The following ARMC10 variants were observed in gnomAD, a reference collection of about 807,000 sequenced individuals.
ARMC10 encodes armadillo repeat containing 10, also known as armadillo repeat-containing protein 10.
In ARMC10, 23 loss-of-function variants were observed where a neutral mutation model predicts 30.2. That is an observed-to-expected ratio of 0.76 (90% CI 0.55 to 1.08). The LOEUF is 1.08. ARMC10 is among the 50% of genes least tolerant of loss of function. The pLI is 0.00. For missense variants in ARMC10, 303 were observed against 413.7 expected (o/e 0.73, Z 2.32); for synonymous variants, 111 against 164.4 (o/e 0.68, Z 2.48).
rs1343294986 is a variant in ARMC10 at position 103,098,689 on chromosome 7, C to T, written c.*136C>T. The T allele has an allele frequency of 2.5e-5, 35 of 1,403,484 alleles. No homozygotes were observed. Among genetic ancestry groups the T allele is most frequent in the Admixed American group, 7.8e-5 (3 of 38,504 alleles). 86.9% of individuals were successfully genotyped at this position (1,403,484 alleles called of 1,614,324 possible). A position where few individuals can be genotyped will look rare whatever the true frequency, so the allele number is the denominator to read the frequency against. ...TGTCATTAACACAGCTATAACTTGC[C>T]GTGGTTCTCAGATTTATTTTGGACT... On this transcript the variant is annotated 3_prime_UTR_variant, in exon 7 of 7. Transcript: ENST00000323716.
At chr7:103,089,062 A>G (rs2129523249) in intron 4 of ARMC10, 1 of 157,474 alleles carries the variant, frequency 6.4e-6, no homozygotes, top group African/African-American at 2.4e-5. Flanking sequence ...GTAATTAAAC[A>G]CTTTGTGGGC....
At chr7:103,079,576 C>T (rs1004819110) in intron 2 of ARMC10, among the ~76,000 whole-genome samples, 83 of 152,138 alleles carry the variant, frequency 5.5e-4, no homozygotes, top group Non-Finnish European at 1.2e-4. Flanking sequence ...AAACAACATG[C>T]ATAAATATTG....
rs558287763 is a variant in ARMC10, at chr7:103,094,109, G to A, written c.705+1456G>A. ...TAGTGGGAAAGTGTGTCTGATTTAG[G>A]TATTTTCTTAGTAAATAACCACTAA... On this transcript the variant is annotated intron_variant, in intron 5 of 6. Coordinates refer to ENST00000323716, the MANE Select transcript of ARMC10 (RefSeq NM_031905.5). Among the ~76,000 whole-genome samples, 7 of 152,226 alleles carry A rather than the reference G, an allele frequency of 4.6e-5. No homozygotes were observed. In the East Asian group the frequency reaches 7.7e-4, roughly 17 times the overall value.
chr7:103,079,331 GAAAA>G (rs1004429026), intron 2 of ARMC10, among the ~76,000 whole-genome samples: 3 of 148,700 alleles, frequency 2.0e-5, no homozygotes, highest in African/African-American at 7.4e-5. Flanking sequence ...GAAGCTCGGG[GAAAA>G]AAAAAGAAAA....
chr7:103,096,594 G>A (rs1211176217), intron 5 of ARMC10: 1 of 152,214 alleles, frequency 6.6e-6, no homozygotes, highest in Admixed American at 6.6e-5. Flanking sequence ...GGTGAAGATG[G>A]GGTCTAAGGG....
intron 4 of ARMC10, chr7:103,089,333 C>A: frequency 5.7e-6 from 1 of 176,610 alleles, no homozygotes; most frequent in South Asian, 1.2e-4. Flanking sequence ...AGAGATTGTG[C>A]CGGTAGTGAA....
chr7:103,088,334 G>A (rs1226167640), intron 4 of ARMC10, among the ~76,000 whole-genome samples: 1 of 152,116 alleles, frequency 6.6e-6, no homozygotes, highest in Non-Finnish European at 1.5e-5. Context: ...CTTGGAAATT[G>A]AGAACGCTTA....
rs138252372 is a variant in ARMC10, at chr7:103,075,669, C to T, written c.140-108C>T. 6.9e-4 allele frequency: 635 copies of T among 920,226 alleles called. 4 individuals carry two copies. The African/African-American group carries it at 8.8e-3, about 13-fold the overall frequency. The allele number at this position is 920,226 out of a possible 1,614,324, so 57.0% of individuals were successfully genotyped here. ...AGATTTCTTAAAAACCTGTTGATGG[C>T]CTCTCATTTTAAAGCTTGCTCCGGG... On this transcript the variant is annotated intron_variant, in intron 1 of 6. Transcript: ENST00000323716.
At chr7:103,081,710 T>TATAAC (rs11473865) in intron 2 of ARMC10, among the ~76,000 whole-genome samples, 133,106 of 151,936 alleles carry the variant, frequency 0.88, 61,001 homozygotes, top group East Asian at 1. Flanking sequence ...TGAGATAACA[T>TATAAC]AGAGTGGTAT....
chr7:103,096,629 G>C (rs1801781822), intron 5 of ARMC10: 1 of 152,672 alleles, frequency 6.5e-6, no homozygotes, highest in South Asian at 1.9e-4. Flanking sequence ...CCAGGCTGGA[G>C]TGCAGTGGCT....
chr7:103,089,573 ACT>A (rs1251055723), intron 4 of ARMC10: 1 of 165,714 alleles, frequency 6.0e-6, no homozygotes, highest in Non-Finnish European at 1.3e-5. Context: ...AAATTCAAAC[ACT>A]CTAACAGCTC....
intron 4 of ARMC10, 77 bp downstream of exon 4, chr7:103,086,841 T>C (rs764791602): frequency 1.3e-6 from 2 of 1,560,572 alleles, no homozygotes; most frequent in African/African-American, 1.4e-5. Context: ...AATGAAACTT[T>C]AGTAGACTAT....
intron 3 of ARMC10, 178 bp downstream of exon 3, chr7:103,084,008 A>G: frequency 2.0e-6 from 3 of 1,506,246 alleles, no homozygotes; most frequent in Non-Finnish European, 1.8e-6. Flanking sequence ...TAATAGTGAT[A>G]TGATTATTAA....
chr7:103,092,290 G>A (rs978568175), intron 4 of ARMC10, among the ~76,000 whole-genome samples, 187 bp from the exon 5 acceptor site: 7 of 127,616 alleles, frequency 5.5e-5, no homozygotes, highest in East Asian at 2.4e-4. Context: ...CTGAGATTGC[G>A]CCACTGAACT....
chr7:103,090,310 GT>G (rs1467851927), intron 4 of ARMC10, among the ~76,000 whole-genome samples: 3 of 152,212 alleles, frequency 2.0e-5, no homozygotes, highest in Non-Finnish European at 4.4e-5. Flanking sequence ...TAAATGCCAT[GT>G]TTTTAAAGGA....
chr7:103,079,427 C>T (rs994813412), intron 2 of ARMC10, among the ~76,000 whole-genome samples: 2 of 152,182 alleles, frequency 1.3e-5, no homozygotes, highest in African/African-American at 4.8e-5. Flanking sequence ...TCAAGTACAT[C>T]CATCAAAACC....
At chr7:103,092,843 T>G (rs1801465945) in intron 5 of ARMC10, among the ~76,000 whole-genome samples, 190 bp downstream of exon 5, 1 of 152,220 alleles carries the variant, frequency 6.6e-6, no homozygotes, top group Non-Finnish European at 1.5e-5. Context: ...GTTTCACTTA[T>G]CAACAGATTC....
chr7:103,089,848 G>T (rs1801159582), intron 4 of ARMC10, among the ~76,000 whole-genome samples: 1 of 152,192 alleles, frequency 6.6e-6, no homozygotes. Flanking sequence ...CAAACCTCCT[G>T]CTTTGTGGTG....
chr7:103,075,727 T>TG, intron 1 of ARMC10, 50 bp from the exon 2 acceptor site: 1 of 1,383,586 alleles, frequency 7.2e-7, no homozygotes, highest in South Asian at 1.4e-5. Flanking sequence ...CTCCCGATTG[T>TG]GGAAGGGCTG....
Sources: gnomAD v4.1 joint callset for allele counts (sites outside exome capture counted in the v4.1 genomes callset) on GRCh38, gnomAD v4.1.1 for gene constraint, MANE v1.5 for transcripts, NCBI Gene and HGNC (gene_info 2026-07-23, HGNC 2026-07-21) for gene names.